DIP2C: variants seen among roughly 807,000 people sequenced by gnomAD.
DIP2C encodes DIP2 acetate--CoA ligase C (putative).
A neutral mutation model predicts 192.4 loss-of-function variants in DIP2C; 33 were observed. The ratio of observed to expected loss-of-function variants is 0.17; its 90% CI spans 0.13 to 0.23. The LOEUF (loss-of-function observed/expected upper bound fraction) is 0.23, where lower values mean the gene tolerates loss of function less well. DIP2C is among the 10% of genes least tolerant of loss of function. The probability of loss-of-function intolerance (pLI) is 1.00; values close to 1 mark genes in which losing one functional copy is unlikely to be tolerated. For synonymous variants in DIP2C, 979 were observed against 864.1 expected (o/e 1.13, Z -2.33); for missense variants, 1,537 against 2,110.1 (o/e 0.73, Z 5.32).
At chr10:289,210 C>CA (rs1357299575) in intron 32 of DIP2C, among the ~76,000 whole-genome samples, 1 of 135,524 alleles carries the variant, frequency 7.4e-6, no homozygotes, top group African/African-American at 2.5e-5. Flanking sequence ...CACCTGGGGA[C>CA]AGGGTGCGGG....
intron 10 of DIP2C, among the ~76,000 whole-genome samples, chr10:393,129 C>T (rs571525204): frequency 9.2e-5 from 14 of 152,266 alleles, no homozygotes; most frequent in Admixed American, 4.6e-4. Flanking sequence ...AGGCCAACTC[C>T]GGGAAACAGG....
chr10:650,996 G>A (rs368947867), intron 1 of DIP2C: 128 of 717,324 alleles, frequency 1.8e-4, no homozygotes, highest in Admixed American at 5.6e-4. Flanking sequence ...CATCTCTCCC[G>A]GTGCCAGGGC....
chr10:481,348 C>A (rs904227380), intron 2 of DIP2C, among the ~76,000 whole-genome samples: 1 of 152,228 alleles, frequency 6.6e-6, no homozygotes, highest in African/African-American at 2.4e-5. Context: ...CCTCCTCCCT[C>A]ACAACTGTCA....
At chr10:481,020 G>T (rs1375798219) in intron 2 of DIP2C, among the ~76,000 whole-genome samples, 1 of 152,224 alleles carries the variant, frequency 6.6e-6, no homozygotes, top group East Asian at 1.9e-4. Context: ...GCCCGGGACA[G>T]GTCCCCGGGA....
chr10:616,977 G>A (rs570385750), intron 1 of DIP2C, among the ~76,000 whole-genome samples: 217 of 152,252 alleles, frequency 1.4e-3, no homozygotes, highest in South Asian at 7.3e-3. Context: ...CTGAGACTCC[G>A]TGATTTAAGG....
At chr10:584,943 C>G (rs1416301741) in intron 1 of DIP2C, among the ~76,000 whole-genome samples, 1 of 130,924 alleles carries the variant, frequency 7.6e-6, no homozygotes, top group Admixed American at 7.9e-5. Context: ...CGCATCACCT[C>G]TCAATCTCGG....
intron 1 of DIP2C, among the ~76,000 whole-genome samples, chr10:494,086 T>C (rs1316116689): frequency 1.3e-5 from 2 of 152,052 alleles, no homozygotes; most frequent in East Asian, 3.9e-4. Flanking sequence ...AGTGGCAGAG[T>C]GGTCTATCCC....
intron 17 of DIP2C, among the ~76,000 whole-genome samples, chr10:376,557 C>CT (rs61541768): frequency 0.9 from 122,272 of 135,326 alleles, 55,256 homozygotes; most frequent in East Asian, 0.97. Context: ...GAGGAAGTGT[C>CT]TTTTTTTTTT....
At chr10:533,247 T>C (rs572888353) in intron 1 of DIP2C, among the ~76,000 whole-genome samples, 8 of 152,158 alleles carry the variant, frequency 5.3e-5, no homozygotes, top group African/African-American at 1.9e-4. Flanking sequence ...GAAAACACAT[T>C]GAAATTCCCG....
chr10:477,591 G>GGGGA, intron 2 of DIP2C, among the ~76,000 whole-genome samples: 1 of 15,362 alleles, frequency 6.5e-5, no homozygotes, highest in African/African-American at 9.7e-5. Context: ...GGTGGGAGAT[G>GGGGA]GGGAGGGAGG....
intron 2 of DIP2C, among the ~76,000 whole-genome samples, chr10:475,624 G>A (rs1292855896): frequency 2.0e-5 from 3 of 152,304 alleles, no homozygotes; most frequent in East Asian, 3.9e-4. Flanking sequence ...AAGTGGAAAT[G>A]TAAAGTTTGC....
intron 32 of DIP2C, among the ~76,000 whole-genome samples, chr10:307,531 G>C (rs1452231743): frequency 6.6e-6 from 1 of 152,202 alleles, no homozygotes; most frequent in Non-Finnish European, 1.5e-5. Context: ...GCTGCGGACT[G>C]TGAGTGGGTG....
intron 1 of DIP2C, among the ~76,000 whole-genome samples, chr10:524,611 T>C (rs1189004884): frequency 1.3e-5 from 2 of 152,136 alleles, no homozygotes; most frequent in African/African-American, 4.8e-5. Context: ...TACAAAGACA[T>C]AACATCTTAC....
At position 650,652 on chromosome 10, in the gene DIP2C, C is replaced by A. The variant is rs561968746; in HGVS notation, c.85+38842G>T. The A allele has an allele frequency of 2.9e-5, 18 of 618,932 alleles. No individual in the cohort carries two copies. The South Asian group carries it at 3.1e-4, about 11-fold the overall frequency. The allele number at this position is 618,932 out of a possible 1,614,324, so 38.3% of individuals were successfully genotyped here. A position where few individuals can be genotyped will look rare whatever the true frequency, so the allele number is the denominator to read the frequency against. ...GAGGGCCGGAGGCGGGGAAGCCATT[C>A]CACAGCACGTGAGCTGGCAAGGGGC... On this transcript the variant is annotated intron_variant, in intron 1 of 36. Coordinates refer to ENST00000280886, the MANE Select transcript of DIP2C (RefSeq NM_014974.3).
chr10:543,512 G>A (rs371132437), intron 1 of DIP2C, among the ~76,000 whole-genome samples: 4 of 152,328 alleles, frequency 2.6e-5, no homozygotes, highest in Admixed American at 6.5e-5. Flanking sequence ...TTCAGCTCAC[G>A]TTTACATGTC....
At chr10:357,662 C>CGGGAAAGTCG (rs1203787707) in intron 23 of DIP2C, among the ~76,000 whole-genome samples, 166 bp downstream of exon 23, 1 of 151,968 alleles carries the variant, frequency 6.6e-6, no homozygotes, top group Non-Finnish European at 1.5e-5. Flanking sequence ...CGGAGACTGT[C>CGGGAAAGTCG]GGGAAAGTCG....
At chr10:414,508 T>G (rs1965408655) in intron 7 of DIP2C, among the ~76,000 whole-genome samples, 1 of 152,060 alleles carries the variant, frequency 6.6e-6, no homozygotes, top group South Asian at 2.1e-4. Flanking sequence ...CCTGAAAGAT[T>G]AATGATAAAT....
chr10:592,172 T>C lies in DIP2C; in HGVS notation c.85+97322A>G, dbSNP rs554632669. On this transcript the variant is annotated intron_variant, in intron 1 of 36. Coordinates refer to ENST00000280886, the MANE Select transcript of DIP2C (RefSeq NM_014974.3). ...TTCTGCTAATTAGGAAGCATATTAA[T>C]ATAAAGTGAATTCCAAGTGTAATAA... Among the ~76,000 whole-genome samples the C allele has an allele frequency of 2.0e-5, 3 of 152,178 alleles. No homozygotes were observed. In the South Asian group the frequency reaches 6.2e-4, roughly 32 times the overall value.
intron 1 of DIP2C, among the ~76,000 whole-genome samples, chr10:640,625 CTGCGCGCGGGGATGAGGG>C (rs1564294875): frequency 2.7e-5 from 4 of 150,014 alleles, no homozygotes; most frequent in South Asian, 2.1e-4. Context: ...GGGGAAGAAG[CTGCGCGCGGGGATGAGGG>C]TGCGCGCGGG....
Sources: allele counts gnomAD v4.1 joint callset (sites outside exome capture counted in the v4.1 genomes callset), GRCh38; gene constraint gnomAD v4.1.1; transcripts MANE v1.5; gene names NCBI Gene and HGNC (gene_info 2026-07-23, HGNC 2026-07-21).